The following ITPR1 variants were observed in gnomAD, a reference collection of about 807,000 sequenced individuals.
The protein encoded by ITPR1 is inositol 1,4,5-trisphosphate receptor type 1, also known as inositol 1,4,5-trisphosphate-gated calcium channel ITPR1.
Under a neutral mutation model 318.4 loss-of-function variants are expected in ITPR1, and 96 were observed. That is an observed-to-expected ratio of 0.30 (90% confidence interval 0.26 to 0.36). ITPR1 has a LOEUF of 0.36. Ranked by LOEUF, ITPR1 falls within the 10% of genes least tolerant of loss-of-function variation. The pLI is 1.00. For synonymous variants in ITPR1, 1,312 were observed against 1,289.9 expected, an observed-to-expected ratio of 1.02 and a Z score of -0.37; for missense variants, 2,440 against 3,460.2, an observed-to-expected ratio of 0.71 and a Z score of 7.40.
At chr3:4,818,336 A>G (rs557788546) in intron 60 of ITPR1, 94 bp downstream of exon 60, 1,291 of 987,866 alleles carry the variant, frequency 1.3e-3, no homozygotes, top group Non-Finnish European at 1.4e-3. Context: ...TGCACAACAG[A>G]AGAATAACAT....
At position 4,652,158 on chromosome 3, in the gene ITPR1, G is replaced by T. The variant is rs768473868; in HGVS notation, c.891G>T (p.Gly297=). The stretch of plus-strand genomic sequence containing the variant: ...ATGACCCATGTCGGGGCGGAGCAGG[G>T]TATTGGAACAGCCTTTTCCGTTTCA... The part of the protein sequence containing the change: ...VQHDPCRGGA[G]YWNSLFRFKH... The change falls in exon 11 of 62, where the codon GGG becomes GGT. Residue 297 remains glycine (G), a synonymous_variant. Coordinates refer to ENST00000649015, the MANE Select transcript of ITPR1 (RefSeq NM_001378452.1). The T allele has an allele frequency of 6.2e-7, 1 of 1,613,080 alleles. No homozygotes were observed. Among genetic ancestry groups the T allele is most frequent in the Admixed American group, 1.7e-5 (1 of 59,934 alleles).
intron 33 of ITPR1, among the ~76,000 whole-genome samples, chr3:4,696,130 G>A (rs565661301): frequency 6.6e-6 from 1 of 152,306 alleles, no homozygotes; most frequent in East Asian, 1.9e-4. Flanking sequence ...GATGTTTACA[G>A]ATATGATTCA....
intron 57 of ITPR1, among the ~76,000 whole-genome samples, chr3:4,813,924 A>G (rs922477405): frequency 3.3e-5 from 5 of 152,244 alleles, no homozygotes; most frequent in African/African-American, 1.2e-4. Context: ...ACAGCAAGGC[A>G]TGGCTCTTAC....
intron 39 of ITPR1, among the ~76,000 whole-genome samples, chr3:4,714,311 A>G (rs1191855431): frequency 6.6e-6 from 1 of 152,138 alleles, no homozygotes; most frequent in Non-Finnish European, 1.5e-5. Context: ...CACCACGGTG[A>G]GTGTGGAGGC....
intron 46 of ITPR1, among the ~76,000 whole-genome samples, chr3:4,773,247 G>T (rs962960963): frequency 2.0e-5 from 3 of 152,226 alleles, no homozygotes; most frequent in African/African-American, 7.2e-5. Flanking sequence ...CAGGGTGGAG[G>T]CCTCGAGAGC....
intron 4 of ITPR1, among the ~76,000 whole-genome samples, chr3:4,606,594 G>A (rs2091721633): frequency 6.6e-6 from 1 of 152,094 alleles, no homozygotes; most frequent in Non-Finnish European, 1.5e-5. Flanking sequence ...GGAGGGTATG[G>A]TAAAACACAT....
chr3:4,685,048 T>C (rs761084626), intron 29 of ITPR1, 21 bp from the exon 30 acceptor site: 1 of 1,603,368 alleles, frequency 6.2e-7, no homozygotes, highest in Non-Finnish European at 8.5e-7. Context: ...TTTCTGAGAC[T>C]GATTTCTTTC....
intron 33 of ITPR1, among the ~76,000 whole-genome samples, chr3:4,696,320 A>G (rs771202412): frequency 1.2e-4 from 18 of 152,198 alleles, no homozygotes; most frequent in Non-Finnish European, 2.9e-5. Flanking sequence ...CTTTCTGAAT[A>G]TATGGATTTG....
At chr3:4,639,335 A>G in intron 5 of ITPR1, 49 bp from the exon 6 acceptor site, 1 of 1,380,730 alleles carries the variant, frequency 7.2e-7, no homozygotes, top group South Asian at 1.2e-5. Flanking sequence ...GCAGTGGGAT[A>G]GAACACATGG....
chr3:4,706,959 G>C (rs2094771248), intron 37 of ITPR1, among the ~76,000 whole-genome samples: 1 of 152,156 alleles, frequency 6.6e-6, no homozygotes, highest in Non-Finnish European at 1.5e-5. Flanking sequence ...GTAGTACATA[G>C]GTCACAGTTT....
intron 4 of ITPR1, among the ~76,000 whole-genome samples, chr3:4,576,592 A>G (rs915466580): frequency 6.6e-6 from 1 of 152,224 alleles, no homozygotes; most frequent in Non-Finnish European, 1.5e-5. Flanking sequence ...TCTAGAAACA[A>G]TAAATATGCC....
At chr3:4,707,827 A>G (rs561389949) in intron 37 of ITPR1, among the ~76,000 whole-genome samples, 1 of 152,334 alleles carries the variant, frequency 6.6e-6, no homozygotes, top group Admixed American at 6.5e-5. Context: ...GAGTCTCTGT[A>G]CAGTTACACA....
chr3:4,831,190 T>C (rs2050486668), intron 60 of ITPR1: 1 of 349,434 alleles, frequency 2.9e-6, no homozygotes, highest in Non-Finnish European at 5.5e-6. Flanking sequence ...CTCTTTCCAG[T>C]CAAGGACATT....
intron 4 of ITPR1, among the ~76,000 whole-genome samples, chr3:4,572,610 T>G (rs1017235282): frequency 2.6e-5 from 4 of 152,180 alleles, no homozygotes; most frequent in Non-Finnish European, 5.9e-5. Context: ...TAATACAAAA[T>G]TTACCATTTT....
At chr3:4,532,443 C>A (rs149020482) in intron 4 of ITPR1, among the ~76,000 whole-genome samples, 1 of 152,326 alleles carries the variant, frequency 6.6e-6, no homozygotes, top group Non-Finnish European at 1.5e-5. Context: ...AGGCCCACCG[C>A]AGCCTTGACT....
chr3:4,691,208 A>G lies in ITPR1; in HGVS notation c.3893A>G (p.Asn1298Ser), dbSNP rs757563485. The change falls in exon 32 of 62, where the codon AAC becomes AGC. Residue 1298 changes from asparagine (N) to serine (S), a missense_variant. By Grantham distance (46) the Asn-to-Ser change is conservative (BLOSUM62 1). This residue lies in a region of ITPR1 where 222 missense variants were observed against 318.8 expected (regional missense o/e 0.70). Transcript: ENST00000649015. ...MNNFQLCSEI[N>S]ERVVQHFVHC... ...AATTTCCAGCTTTGCAGTGAGATCA[A>G]CGAGAGAGTTGTTCAGCACTTCGTT... 43 of 1,613,280 alleles carry G rather than the reference A, an allele frequency of 2.7e-5. No individual in the cohort carries two copies. The highest frequency in any genetic ancestry group is 8.9e-5 in the East Asian group (4 of 44,884).
chr3:4,775,750 A>C (rs577389406), intron 47 of ITPR1, among the ~76,000 whole-genome samples: 17 of 152,212 alleles, frequency 1.1e-4, no homozygotes, highest in Non-Finnish European at 2.4e-4. Context: ...CAGGAGTGAA[A>C]TGAGAACCAA....
intron 4 of ITPR1, among the ~76,000 whole-genome samples, chr3:4,532,788 C>T (rs2083526768): frequency 6.6e-6 from 1 of 152,200 alleles, no homozygotes; most frequent in South Asian, 2.1e-4. Context: ...GAGCCCAGAG[C>T]AATAGAGAAT....
intron 42 of ITPR1, among the ~76,000 whole-genome samples, chr3:4,727,795 C>T (rs931248459): frequency 6.6e-6 from 1 of 152,168 alleles, no homozygotes; most frequent in Admixed American, 6.5e-5. Flanking sequence ...AGGCGGGTCT[C>T]AGACTCCTGG....
Sources: gnomAD v4.1 joint callset for allele counts (sites outside exome capture counted in the v4.1 genomes callset) on GRCh38, gnomAD v4.1.1 for gene constraint, gnomAD v4.1.1 regional missense constraint, MANE v1.5 for transcripts, NCBI Gene and HGNC (gene_info 2026-07-23, HGNC 2026-07-21) for gene names.